Variants in CNOT10 observed in about 807,000 individuals in gnomAD.
CNOT10 encodes CCR4-NOT transcription complex subunit 10.
Under a neutral mutation model 94.6 loss-of-function variants are expected in CNOT10, and 30 were observed. The ratio of observed to expected loss-of-function variants is 0.32; its 90% CI spans 0.24 to 0.43. The LOEUF (loss-of-function observed/expected upper bound fraction) is 0.43. CNOT10 is among the 20% of genes least tolerant of loss of function. CNOT10 has a pLI of 1.00. For synonymous variants in CNOT10, 289 were observed against 301.6 expected (o/e 0.96, Z 0.43); for missense variants, 759 against 877.2 (o/e 0.87, Z 1.70).
At chr3:32,713,954 A>G (rs1418776516) in intron 5 of CNOT10, among the ~76,000 whole-genome samples, 2 of 152,100 alleles carry the variant, frequency 1.3e-5, no homozygotes, top group African/African-American at 2.4e-5. Flanking sequence ...TTTGGTTATT[A>G]TATATAGTGC....
intron 13 of CNOT10, among the ~76,000 whole-genome samples, chr3:32,747,447 A>T (rs746467433): frequency 2.8e-4 from 43 of 152,124 alleles, no homozygotes; most frequent in Non-Finnish European, 4.6e-4. Context: ...ATAAATAAAT[A>T]AAATAAAAAT....
intron 8 of CNOT10, among the ~76,000 whole-genome samples, chr3:32,725,206 T>C (rs958974791): frequency 2.6e-5 from 4 of 152,100 alleles, no homozygotes; most frequent in Non-Finnish European, 4.4e-5. Context: ...ATCCACAAAA[T>C]TAGAGTAACA....
chr3:32,740,793 C>T (rs941866829), intron 13 of CNOT10, among the ~76,000 whole-genome samples: 17 of 150,578 alleles, frequency 1.1e-4, no homozygotes, highest in African/African-American at 3.7e-4. Flanking sequence ...ACCTGGGAGA[C>T]GGAGCTTGCA....
At chr3:32,702,989 G>A (rs1697431146) in intron 1 of CNOT10, among the ~76,000 whole-genome samples, 1 of 149,944 alleles carries the variant, frequency 6.7e-6, no homozygotes, top group Non-Finnish European at 1.5e-5. Context: ...TTGGCTCACT[G>A]CAAGCTCCAC....
chr3:32,727,979 T>TTTTATTTATTTATTTA (rs150924656), intron 10 of CNOT10, 109 bp downstream of exon 10: 6,601 of 569,530 alleles, frequency 0.012, 102 homozygotes, highest in Middle Eastern at 0.028. Flanking sequence ...ACATTTCTCT[T>TTTTATTTATTTATTTA]TTTATTTATT....
intron 3 of CNOT10, among the ~76,000 whole-genome samples, chr3:32,708,010 C>T (rs1406128099): frequency 6.6e-6 from 1 of 151,982 alleles, no homozygotes; most frequent in Non-Finnish European, 1.5e-5. Context: ...CTCAGCCTCC[C>T]GAGTAGCTGG....
intron 3 of CNOT10, among the ~76,000 whole-genome samples, chr3:32,708,263 G>A (rs191520949): frequency 8.5e-5 from 13 of 152,172 alleles, no homozygotes; most frequent in Non-Finnish European, 1.5e-4. Context: ...TGAATACTAC[G>A]TGACATTTTT....
At chr3:32,717,943 G>A (rs1340611265) in intron 7 of CNOT10, among the ~76,000 whole-genome samples, 1 of 152,056 alleles carries the variant, frequency 6.6e-6, no homozygotes, top group African/African-American at 2.4e-5. Context: ...CCTTCCAAGT[G>A]ACTTTTGGCT....
At chr3:32,770,045 G>A in intron 18 of CNOT10, 83 bp downstream of exon 18, 1 of 1,067,004 alleles carries the variant, frequency 9.4e-7, no homozygotes, top group Non-Finnish European at 1.4e-6. Context: ...TCACTGTGTT[G>A]CCCAGGCTGG....
rs1700506370 is a variant in CNOT10 at position 32,762,767 on chromosome 3, A to G, written c.1744A>G (p.Ile582Val). ...ACATTTATATGCTGCAGAAGCCCTC[A>G]TCTCTCTCGACAGAATATCTGATGC... Reference protein sequence around the residue: ...LGHLYAAEALISLDRISDAIT... With the variant: ...LGHLYAAEALVSLDRISDAIT... Residue 582 changes from isoleucine (I) to valine (V), a missense_variant, in exon 15 of 19, where the codon ATC becomes GTC. Transcript: ENST00000328834. 1 of 1,592,022 alleles carries G rather than the reference A, an allele frequency of 6.3e-7. No individual in the cohort carries two copies. The highest frequency in any genetic ancestry group is 8.5e-7 in the Non-Finnish European group (1 of 1,174,626).
At chr3:32,700,295 A>G (rs367637018) in intron 1 of CNOT10, among the ~76,000 whole-genome samples, 1 of 152,102 alleles carries the variant, frequency 6.6e-6, no homozygotes, top group Non-Finnish European at 1.5e-5. Context: ...TTATAGAAGC[A>G]TGTTTGGAGT....
At position 32,751,776 on chromosome 3, in the gene CNOT10, T is replaced by C. The variant is rs148659901; in HGVS notation, c.1596-7682T>C. 7.2e-3 allele frequency among the ~76,000 whole-genome samples: 1,092 copies of C among 152,332 alleles called. 26 individuals are homozygous for C. Among genetic ancestry groups the C allele is most frequent in the Admixed American group, 0.053 (810 of 15,292 alleles). On this transcript the variant is annotated intron_variant, in intron 13 of 18. Coordinates refer to ENST00000328834, the MANE Select transcript of CNOT10 (RefSeq NM_015442.3). ...ATGGCTAATAATCTTTTGAATCTTA[T>C]ATTGCTTTTGCTAGAGATCCAGCCC... is the stretch of plus-strand genomic sequence containing the variant.
chr3:32,729,830 G>A (rs1375275896), intron 10 of CNOT10, among the ~76,000 whole-genome samples: 10 of 145,190 alleles, frequency 6.9e-5, no homozygotes, highest in South Asian at 2.2e-4. Context: ...GTGCAGTGGC[G>A]GGATCTCGGC....
In CNOT10 at chr3:32,773,827, C is replaced by T. The variant is rs1701010816; in HGVS notation, c.*216C>T. 6.1e-6 allele frequency: 3 copies of T among 493,426 alleles called. No individual in the cohort carries two copies. Among genetic ancestry groups the T allele is most frequent in the Non-Finnish European group, 1.1e-5 (3 of 284,450 alleles). 30.6% of individuals were successfully genotyped at this position (493,426 alleles called of 1,614,324 possible). ...TTTCAGCCAGACTATTAATTTTGAG[C>T]CATTATGTAATATATGCCATAGGCA... is the stretch of plus-strand genomic sequence containing the variant. On this transcript the variant is annotated 3_prime_UTR_variant, in exon 19 of 19. Transcript: ENST00000328834.
rs541248547 is a variant in CNOT10, at chr3:32,717,891, T to A, written c.744+654T>A. The stretch of plus-strand genomic sequence containing the variant: ...AAAACATTTTTTAAATAAAAAAAAA[T>A]TTATTAAAAATCTAACAGTCAAATT... On this transcript the variant is annotated intron_variant, in intron 7 of 18. Transcript: ENST00000328834. 2.4e-3 allele frequency among the ~76,000 whole-genome samples: 368 copies of A among 152,114 alleles called. 1 individual carries two copies. Among genetic ancestry groups the A allele is most frequent in the African/African-American group, 8.3e-3 (344 of 41,514 alleles).
chr3:32,755,007 G>C (rs1195365052), intron 13 of CNOT10, among the ~76,000 whole-genome samples: 1 of 151,610 alleles, frequency 6.6e-6, no homozygotes, highest in Non-Finnish European at 1.5e-5. Context: ...AGCACTTTGG[G>C]AGTCCAAGGC....
chr3:32,718,883 G>C (rs1698246570), intron 7 of CNOT10, among the ~76,000 whole-genome samples: 1 of 152,180 alleles, frequency 6.6e-6, no homozygotes, highest in Non-Finnish European at 1.5e-5. Flanking sequence ...GGAAGGCTGA[G>C]ACAGGCAGAT....
chr3:32,711,331 C>A (rs754999494), intron 4 of CNOT10, among the ~76,000 whole-genome samples: 33 of 152,070 alleles, frequency 2.2e-4, no homozygotes, highest in Non-Finnish European at 3.2e-4. Context: ...TTTAAATAAT[C>A]GCTAAATTAC....
intron 1 of CNOT10, among the ~76,000 whole-genome samples, chr3:32,686,731 A>C (rs1696617573): frequency 6.6e-6 from 1 of 152,182 alleles, no homozygotes; most frequent in Non-Finnish European, 1.5e-5. Flanking sequence ...CTTCCTCCTT[A>C]TTTTAGAATA....
Sources: gnomAD v4.1 joint callset for allele counts (sites outside exome capture counted in the v4.1 genomes callset) on GRCh38, gnomAD v4.1.1 for gene constraint, MANE v1.5 for transcripts, NCBI Gene and HGNC (gene_info 2026-07-23, HGNC 2026-07-21) for gene names.